The following PCDH7 variants were observed in gnomAD, a reference collection of about 807,000 sequenced individuals.
The protein encoded by PCDH7 is protocadherin-7.
A neutral mutation model predicts 58.9 loss-of-function variants in PCDH7; 17 were observed. The observed-to-expected ratio is 0.29, with a 90% CI of 0.20 to 0.43. The LOEUF is 0.43. Ranked by LOEUF, PCDH7 falls within the 20% of genes least tolerant of loss-of-function variation. The pLI, the probability that PCDH7 is intolerant of heterozygous loss-of-function variation, is 1.00. For missense variants in PCDH7, 1,274 were observed against 1,441.0 expected (o/e 0.88, Z 1.88); for synonymous variants, 664 against 616.4 (o/e 1.08, Z -1.14).
chr4:30,958,224 C>T (rs926390308), intron 3 of PCDH7, among the ~76,000 whole-genome samples: 1 of 151,908 alleles, frequency 6.6e-6, no homozygotes, highest in Non-Finnish European at 1.5e-5. Flanking sequence ...ATTAAGTGTA[C>T]TGAAGGAGGA....
intron 3 of PCDH7, among the ~76,000 whole-genome samples, chr4:31,089,722 T>TC (rs1189801773): frequency 6.6e-6 from 1 of 152,070 alleles, no homozygotes; most frequent in Non-Finnish European, 1.5e-5. Context: ...TTTCATTTTT[T>TC]CCCCACAATT....
intron 1 of PCDH7, among the ~76,000 whole-genome samples, chr4:30,906,295 T>C (rs1158929962): frequency 6.6e-6 from 1 of 152,162 alleles, no homozygotes; most frequent in Non-Finnish European, 1.5e-5. Context: ...AAAAGAATAG[T>C]AAATATCACC....
chr4:30,994,441 T>G (rs1751707081), intron 3 of PCDH7, among the ~76,000 whole-genome samples: 1 of 152,244 alleles, frequency 6.6e-6, no homozygotes, highest in African/African-American at 2.4e-5. Flanking sequence ...AAATTCATTT[T>G]ATCTTCGTTC....
At position 30,875,756 on chromosome 4, in the gene PCDH7, T is replaced by A. The variant is rs149213882; in HGVS notation, c.71-44397T>A. ...TTGGGTCTTAGCTTAAGGTTCTTAG[T>A]TAAATAAGTGAACATTATTCATCCA... On this transcript the variant is annotated intron_variant, in intron 1 of 3. Coordinates refer to the PCDH7 transcript ENST00000509759. 1.2e-4 allele frequency among the ~76,000 whole-genome samples: 18 copies of A among 152,202 alleles called. No individual in the cohort carries two copies. The East Asian group carries it at 3.3e-3, about 28-fold the overall frequency.
chr4:31,056,676 A>AG (rs1757284878), intron 3 of PCDH7, among the ~76,000 whole-genome samples: 1 of 114,768 alleles, frequency 8.7e-6, no homozygotes, highest in Non-Finnish European at 1.9e-5. Context: ...AGAGAAAGAG[A>AG]AAGAGAGAGG....
chr4:30,771,594 C>T (rs1010853712), intron 1 of PCDH7, among the ~76,000 whole-genome samples: 5 of 152,158 alleles, frequency 3.3e-5, no homozygotes, highest in Non-Finnish European at 7.3e-5. Flanking sequence ...CAATTTTATA[C>T]ATAAATGTGA....
chr4:30,834,903 TTATA>T (rs761760746), intron 1 of PCDH7, among the ~76,000 whole-genome samples: 1 of 148,750 alleles, frequency 6.7e-6, no homozygotes, highest in Non-Finnish European at 1.5e-5. Context: ...AACATTGGTG[TTATA>T]TATATATATA....
chr4:30,748,931 T>A (rs1023494588), intron 1 of PCDH7, among the ~76,000 whole-genome samples: 1 of 152,150 alleles, frequency 6.6e-6, no homozygotes, highest in Non-Finnish European at 1.5e-5. Context: ...GATGTAGTTA[T>A]ATCTGGCACT....
chr4:30,826,607 A>G (rs1409254279), intron 1 of PCDH7, among the ~76,000 whole-genome samples: 1 of 152,148 alleles, frequency 6.6e-6, no homozygotes, highest in African/African-American at 2.4e-5. Context: ...TGCCTCATCA[A>G]GAAAGTCTAG....
intron 3 of PCDH7, among the ~76,000 whole-genome samples, chr4:31,010,886 T>C (rs775757015): frequency 7.2e-5 from 11 of 152,032 alleles, no homozygotes; most frequent in Non-Finnish European, 1.5e-4. Context: ...ATGAGCATGA[T>C]AATTGCAGCC....
chr4:30,730,604 T>G, intron 1 of PCDH7: 193 of 533,564 alleles, frequency 3.6e-4, no homozygotes, highest in East Asian at 9.9e-4. Context: ...CCCAAGTGTA[T>G]TTATTATTTA....
chr4:31,094,775 C>T (rs540455328), intron 3 of PCDH7, among the ~76,000 whole-genome samples: 1 of 151,398 alleles, frequency 6.6e-6, no homozygotes, highest in African/African-American at 2.5e-5. Flanking sequence ...ACATTTCCTG[C>T]AGCCCATACA....
At chr4:30,889,178 T>G (rs1390603642) in intron 1 of PCDH7, among the ~76,000 whole-genome samples, 1 of 137,800 alleles carries the variant, frequency 7.3e-6, no homozygotes, top group Non-Finnish European at 1.6e-5. Context: ...TACTGTATAT[T>G]TACTTTAGAA....
chr4:31,080,752 G>A, intron 3 of PCDH7, among the ~76,000 whole-genome samples: 1 of 152,120 alleles, frequency 6.6e-6, no homozygotes, highest in Admixed American at 6.6e-5. Context: ...ATATTATAAT[G>A]TGATATGGTT....
intron 2 of PCDH7, among the ~76,000 whole-genome samples, chr4:30,922,515 A>C (rs1743308416): frequency 6.6e-6 from 1 of 152,140 alleles, no homozygotes; most frequent in Non-Finnish European, 1.5e-5. Context: ...TAATTAAAAG[A>C]TAATTATATA....
At chr4:30,736,820 G>A (rs1716364012), downstream of PCDH7, among the ~76,000 whole-genome samples, 1 of 152,120 alleles carries the variant, frequency 6.6e-6, no homozygotes, top group African/African-American at 2.4e-5. Context: ...ACAGGCGTGA[G>A]CCACCGCGCC....
chr4:31,072,075 A>G lies in PCDH7; in HGVS notation c.*8-70398A>G, dbSNP rs1051461300. ...TGTTGGAGTGATCTACAACACTCACATGGCTGCACACTAGCACACCTCTAA... is the reference window on the plus strand; with the variant it reads ...TGTTGGAGTGATCTACAACACTCACGTGGCTGCACACTAGCACACCTCTAA... On this transcript the variant is annotated intron_variant, in intron 3 of 3. Transcript: ENST00000509759. Among the ~76,000 whole-genome samples the G allele has an allele frequency of 6.6e-5, 10 of 152,196 alleles. No homozygotes were observed. In the South Asian group the frequency reaches 2.1e-3, roughly 32 times the overall value.
chr4:30,883,475 C>A (rs910693047), intron 1 of PCDH7, among the ~76,000 whole-genome samples: 1 of 152,118 alleles, frequency 6.6e-6, no homozygotes, highest in Non-Finnish European at 1.5e-5. Flanking sequence ...ACCAGCATGA[C>A]GAATGTAACG....
chr4:30,888,902 C>T (rs1373161365), intron 1 of PCDH7, among the ~76,000 whole-genome samples: 6 of 151,530 alleles, frequency 4.0e-5, no homozygotes, highest in Non-Finnish European at 8.8e-5. Context: ...TACTTTTGAC[C>T]AAGTGTGGTG....
Sources: allele counts gnomAD v4.1 joint callset (sites outside exome capture counted in the v4.1 genomes callset), GRCh38; gene constraint gnomAD v4.1.1; transcripts MANE v1.5; gene names NCBI Gene and HGNC (gene_info 2026-07-23, HGNC 2026-07-21).